LRRC23: variants seen among roughly 807,000 people sequenced by gnomAD.
LRRC23 encodes the protein leucine-rich repeat-containing protein 23.
A neutral mutation model predicts 37.7 loss-of-function variants in LRRC23; 28 were observed. The observed-to-expected ratio is 0.74, with a 90% CI of 0.55 to 1.02. The LOEUF (loss-of-function observed/expected upper bound fraction) is 1.02, where lower values mean the gene tolerates loss of function less well. Among genes scored for constraint, LRRC23 ranks in the 50% least tolerant of loss-of-function variants. The pLI, the probability that LRRC23 is intolerant of heterozygous loss-of-function variation, is 0.00. For synonymous variants in LRRC23, 161 were observed against 165.4 expected (o/e 0.97, Z 0.20); for missense variants, 377 against 413.2 (o/e 0.91, Z 0.76).
chr12:6,908,987 A>T (rs1424709735), intron 5 of LRRC23, among the ~76,000 whole-genome samples: 10 of 122,178 alleles, frequency 8.2e-5, no homozygotes, highest in Non-Finnish European at 1.5e-4. Flanking sequence ...AAGGGCTATT[A>T]TGGGGGTTAT....
At position 6,914,065 on chromosome 12, in the gene LRRC23, T is replaced by A; in HGVS notation, c.*199T>A. 1.9e-6 allele frequency: 3 copies of A among 1,575,932 alleles called. No homozygotes were observed. The highest frequency in any genetic ancestry group is 2.6e-6 in the Non-Finnish European group (3 of 1,163,624). On this transcript the variant is annotated 3_prime_UTR_variant, in exon 8 of 8. Transcript: ENST00000443597. The surrounding 1 kb of genome is among the most constrained non-coding windows in gnomAD (Gnocchi z 7.1). ...GGGCAGTGTGGGGTGCAGAATGGGG[T>A]GCCTAGGCCTGAGCGTTGCCTGGAG...
In LRRC23 at chr12:6,906,638, C is replaced by A. The variant is rs1555139671; in HGVS notation, c.466C>A (p.Arg156Ser). 1.9e-6 allele frequency: 3 copies of A among 1,614,132 alleles called. No individual in the cohort carries two copies. The highest frequency in any genetic ancestry group is 2.5e-6 in the Non-Finnish European group (3 of 1,180,004). ...ITDTEGISHP[R>S]LETLNLKGNS... ...TGACACTGAAGGCATCTCTCATCCT[C>A]GTCTTGAAACCCTGAATCTCAAAGG... The change falls in exon 4 of 8, where the codon CGT becomes AGT. Residue 156 changes from arginine to serine, a missense_variant. Physicochemically the swap from Arg to Ser is moderately radical, Grantham distance 110 (BLOSUM62 -1). Transcript: ENST00000443597.
chr12:6,909,884 G>A lies in LRRC23; in HGVS notation c.622-6G>A. On this transcript the variant is annotated splice_polypyrimidine_tract_variant and splice_region_variant and intron_variant, in intron 5 of 7. Transcript: ENST00000443597. Reference sequence around the variant, plus strand: ...TCAATCAATCCACTGTGCCCTGGGGGTCTAGGCCCAAAACATGCTGAAGAA... The same window carrying A: ...TCAATCAATCCACTGTGCCCTGGGGATCTAGGCCCAAAACATGCTGAAGAA... The A allele has an allele frequency of 6.2e-7, 1 of 1,609,704 alleles. No individual in the cohort carries two copies.
chr12:6,907,284 C>T (rs1944971122), intron 4 of LRRC23, 31 bp from the exon 5 acceptor site: 1 of 1,611,546 alleles, frequency 6.2e-7, no homozygotes, highest in Non-Finnish European at 8.5e-7. Context: ...TTTGGAGTGG[C>T]CCTTTGAGCT....
At chr12:6,912,175 C>A (rs1448068810) in intron 6 of LRRC23, among the ~76,000 whole-genome samples, 3 of 152,106 alleles carry the variant, frequency 2.0e-5, no homozygotes, top group African/African-American at 7.2e-5. Flanking sequence ...GTTCCTTGTC[C>A]ACTGACCTAG....
At position 6,905,895 on chromosome 12, in the gene LRRC23, G is replaced by GCT; in HGVS notation, c.180_181dup (p.Cys61SerfsTer22). 6.2e-7 allele frequency: 1 copy of GCT among 1,614,062 alleles called. No individual in the cohort carries two copies. Among genetic ancestry groups the GCT allele is most frequent in the Admixed American group, 1.7e-5 (1 of 60,010 alleles). ...ACATGATGAAGGAAGGGCTTTCTCT[G>GCT]CTCTGTAAGACAGGCAATGGGCTGG... On this transcript the variant is annotated frameshift_variant, in exon 3 of 8. Transcript: ENST00000443597. LOFTEE classifies it high-confidence loss of function.
chr12:6,914,027 G>T lies in LRRC23; in HGVS notation c.*161G>T, dbSNP rs781830594. On this transcript the variant is annotated 3_prime_UTR_variant, in exon 8 of 8. Coordinates refer to ENST00000443597, the MANE Select transcript of LRRC23 (RefSeq NM_001135217.2). The surrounding 1 kb of genome is among the most constrained non-coding windows in gnomAD (Gnocchi z 7.1). Reference sequence around the variant, plus strand: ...CAACCTGAGGCCCAGGATCTGCTCTGTGCCGGTCCTCTGGGCAGTGTGGGG... The same window carrying T: ...CAACCTGAGGCCCAGGATCTGCTCTTTGCCGGTCCTCTGGGCAGTGTGGGG... 4 of 1,611,914 alleles carry T rather than the reference G, an allele frequency of 2.5e-6. No homozygotes were observed. Among genetic ancestry groups the T allele is most frequent in the Admixed American group, 3.4e-5 (2 of 59,628 alleles).
chr12:6,911,650 A>G (rs1945163689), intron 6 of LRRC23, among the ~76,000 whole-genome samples: 1 of 152,178 alleles, frequency 6.6e-6, no homozygotes, highest in South Asian at 2.1e-4. Flanking sequence ...GAGGCTCAGC[A>G]CGACCATGAG....
chr12:6,909,388 T>C (rs1945092708), intron 5 of LRRC23, among the ~76,000 whole-genome samples: 1 of 49,266 alleles, frequency 2.0e-5, no homozygotes, highest in Non-Finnish European at 3.1e-5. Flanking sequence ...TTATATAATA[T>C]ATAAATATTA....
rs184876216 is a variant in LRRC23 at position 6,905,965 on chromosome 12, G to T, written c.236+11G>T. Reference sequence around the variant, plus strand: ...GGAGGTTAAAGAGAGGTGCGTTTTGGGGGGACCAGATGAGGACTGTGAGAC... The same window carrying T: ...GGAGGTTAAAGAGAGGTGCGTTTTGTGGGGACCAGATGAGGACTGTGAGAC... On this transcript the variant is annotated intron_variant, in intron 3 of 7. Coordinates refer to ENST00000443597, the MANE Select transcript of LRRC23 (RefSeq NM_001135217.2). 1.4e-5 allele frequency: 22 copies of T among 1,609,918 alleles called. No individual in the cohort carries two copies. Among genetic ancestry groups the T allele is most frequent in the Non-Finnish European group, 1.9e-5 (22 of 1,176,742 alleles).
At chr12:6,906,034 C>T in intron 3 of LRRC23, 80 bp downstream of exon 3, 1 of 1,279,750 alleles carries the variant, frequency 7.8e-7, no homozygotes, top group Admixed American at 1.8e-5. Flanking sequence ...CCTGGGTGTT[C>T]TGGTTGAGAG....
intron 6 of LRRC23, 138 bp from the exon 7 acceptor site, chr12:6,912,591 TG>T: frequency 1.3e-6 from 1 of 770,476 alleles, no homozygotes; most frequent in Non-Finnish European, 2.2e-6. Context: ...GCAGTAAATC[TG>T]GCAAGGCTTG....
At chr12:6,910,489 G>A (rs1420991108) in intron 6 of LRRC23, among the ~76,000 whole-genome samples, 1 of 151,998 alleles carries the variant, frequency 6.6e-6, no homozygotes. Flanking sequence ...TGGGCAGATC[G>A]TTGGAGCCTA....
intron 1 of LRRC23, 83 bp from the exon 2 acceptor site, chr12:6,905,502 C>A: frequency 1.2e-6 from 1 of 832,848 alleles, no homozygotes; most frequent in Non-Finnish European, 2.0e-6. Flanking sequence ...GGTCAGAAGT[C>A]ATGGGGGTGA....
chr12:6,905,860 C>T lies in LRRC23; in HGVS notation c.142C>T (p.Leu48Phe), dbSNP rs781879294. Residue 48 changes from leucine to phenylalanine, a missense_variant, in exon 3 of 8, where the codon CTC (leucine) becomes TTC (phenylalanine). By Grantham distance (22) the Leu-to-Phe change is conservative (BLOSUM62 0). This residue lies in a region of LRRC23 where 106 missense variants were observed against 105.9 expected (regional missense o/e 1.00). Coordinates refer to ENST00000443597, the MANE Select transcript of LRRC23 (RefSeq NM_001135217.2). ...CTACCTGCAGTGGCTGCCCACCCCC[C>T]TCACGGAGGACATGATGAAGGAAGG... ...EFPEEWLPTP[L>F]TEDMMKEGLS... The T allele has an allele frequency of 3.1e-6, 5 of 1,613,852 alleles. 1 individual carries two copies. The East Asian group carries it at 8.9e-5, about 29-fold the overall frequency.
chr12:6,911,031 C>T (rs781836700), intron 6 of LRRC23, among the ~76,000 whole-genome samples: 12 of 152,146 alleles, frequency 7.9e-5, no homozygotes, highest in African/African-American at 1.7e-4. Context: ...TCCATTTCCT[C>T]GGTCCCAATT....
intron 5 of LRRC23, chr12:6,907,827 C>T (rs1312476333): frequency 2.5e-6 from 1 of 406,848 alleles, no homozygotes; most frequent in Non-Finnish European, 4.6e-6. Flanking sequence ...GTGGGGGTTT[C>T]TCCCCATACA....
intron 5 of LRRC23, chr12:6,907,827 C>G: frequency 2.5e-6 from 1 of 406,966 alleles, no homozygotes. Flanking sequence ...GTGGGGGTTT[C>G]TCCCCATACA....
intron 5 of LRRC23, 56 bp from the exon 6 acceptor site, chr12:6,909,834 C>A: frequency 6.5e-7 from 1 of 1,535,562 alleles, no homozygotes; most frequent in Non-Finnish European, 8.8e-7. Flanking sequence ...TCTGACTTCT[C>A]TTTCTTCCCT....
Sources: gnomAD v4.1 joint callset for allele counts (sites outside exome capture counted in the v4.1 genomes callset) on GRCh38, gnomAD v4.1.1 for gene constraint, gnomAD v4.1.1 regional missense constraint, Gnocchi (gnomAD v3.1) non-coding constraint, MANE v1.5 for transcripts, NCBI Gene and HGNC (gene_info 2026-07-23, HGNC 2026-07-21) for gene names.